The following TMEM178B variants were observed in gnomAD, a reference collection of about 807,000 sequenced individuals.
TMEM178B encodes transmembrane protein 178B.
Under a neutral mutation model 31.0 loss-of-function variants are expected in TMEM178B, and 5 were observed. The ratio of observed to expected loss-of-function variants is 0.16; its 90% confidence interval spans 0.08 to 0.34. The LOEUF (loss-of-function observed/expected upper bound fraction) is 0.34. TMEM178B is among the 10% of genes least tolerant of loss of function. TMEM178B has a pLI of 1.00. For synonymous variants in TMEM178B, 164 were observed against 164.0 expected (o/e 1.00, Z 0.00); for missense variants, 275 against 400.3 (o/e 0.69, Z 2.67).
At chr7:141,245,325 C>G (rs1797711628) in intron 2 of TMEM178B, among the ~76,000 whole-genome samples, 1 of 150,760 alleles carries the variant, frequency 6.6e-6, no homozygotes, top group South Asian at 2.1e-4. Flanking sequence ...GAAAACAGGA[C>G]TGTGGAAAGG....
At chr7:141,131,150 T>A (rs1488554951) in intron 1 of TMEM178B, among the ~76,000 whole-genome samples, 1 of 152,216 alleles carries the variant, frequency 6.6e-6, no homozygotes, top group African/African-American at 2.4e-5. Flanking sequence ...AGAAGGCATT[T>A]GCTGCAAAAC....
At chr7:141,444,235 T>G (rs1199980417) in intron 3 of TMEM178B, among the ~76,000 whole-genome samples, 1 of 152,180 alleles carries the variant, frequency 6.6e-6, no homozygotes, top group African/African-American at 2.4e-5. Context: ...AACTTAGATA[T>G]ATGCTCCATG....
intron 2 of TMEM178B, among the ~76,000 whole-genome samples, chr7:141,333,894 A>G (rs1799338199): frequency 6.6e-6 from 1 of 152,332 alleles, no homozygotes; most frequent in East Asian, 1.9e-4. Flanking sequence ...TCCTATGAGA[A>G]TCTAATGGCG....
intron 2 of TMEM178B, among the ~76,000 whole-genome samples, chr7:141,437,340 A>G (rs1186116494): frequency 1.3e-5 from 2 of 152,210 alleles, no homozygotes. Context: ...GGCACAAAGG[A>G]GGCATAGAAG....
At chr7:141,147,789 A>AGT (rs1198515929) in intron 1 of TMEM178B, among the ~76,000 whole-genome samples, 23 of 152,148 alleles carry the variant, frequency 1.5e-4, no homozygotes, top group African/African-American at 5.6e-4. Flanking sequence ...AGTTTGGGGT[A>AGT]CCCACAGGAC....
intron 2 of TMEM178B, among the ~76,000 whole-genome samples, chr7:141,317,695 A>G (rs1342536811): frequency 6.6e-6 from 1 of 152,204 alleles, no homozygotes; most frequent in Non-Finnish European, 1.5e-5. Context: ...TAGAAACTCC[A>G]GAACCATAAC....
chr7:141,244,874 A>C (rs570702247), intron 2 of TMEM178B, among the ~76,000 whole-genome samples: 2 of 151,502 alleles, frequency 1.3e-5, no homozygotes, highest in Non-Finnish European at 2.9e-5. Flanking sequence ...TTGGTGGCTC[A>C]TGCCTGTAAT....
chr7:141,090,541 G>A (rs1349900412), intron 1 of TMEM178B, among the ~76,000 whole-genome samples: 1 of 152,210 alleles, frequency 6.6e-6, no homozygotes, highest in Non-Finnish European at 1.5e-5. Context: ...AGAACAGACT[G>A]ATGAAGGAAA....
intron 2 of TMEM178B, among the ~76,000 whole-genome samples, chr7:141,342,787 C>A (rs755672363): frequency 7.9e-5 from 12 of 152,250 alleles, no homozygotes; most frequent in Non-Finnish European, 1.6e-4. Flanking sequence ...TGACCTATCT[C>A]ATGTCGAGTC....
At chr7:141,499,558 A>C in the TMEM178B span, among the ~76,000 whole-genome samples, 1 of 151,766 alleles carries the variant, frequency 6.6e-6, no homozygotes, top group Non-Finnish European at 1.5e-5. Flanking sequence ...AGGATTGCTT[A>C]AGCCTGGGAG....
intron 2 of TMEM178B, among the ~76,000 whole-genome samples, chr7:141,315,334 A>AT (rs1215419486): frequency 6.6e-6 from 1 of 152,166 alleles, no homozygotes; most frequent in Non-Finnish European, 1.5e-5. Context: ...TTTTCGGGCC[A>AT]TCATTAAAAA....
downstream of TMEM178B, among the ~76,000 whole-genome samples, chr7:141,483,093 A>G: frequency 6.6e-6 from 1 of 152,202 alleles, no homozygotes; most frequent in Non-Finnish European, 1.5e-5. Context: ...ACAGCAGGTG[A>G]ACAAAGGCAT....
chr7:141,454,851 A>G (rs1307293653), intron 3 of TMEM178B, among the ~76,000 whole-genome samples: 1 of 151,978 alleles, frequency 6.6e-6, no homozygotes, highest in Non-Finnish European at 1.5e-5. Flanking sequence ...TTCTCATTAG[A>G]GTTTGAATTC....
chr7:141,289,725 A>G (rs1001326989), intron 2 of TMEM178B, among the ~76,000 whole-genome samples: 2 of 151,430 alleles, frequency 1.3e-5, no homozygotes, highest in Admixed American at 6.6e-5. Flanking sequence ...AAAAAAAAAA[A>G]AAAAAAGAAA....
chr7:141,270,886 T>G (rs150894123), intron 2 of TMEM178B, among the ~76,000 whole-genome samples: 1 of 152,222 alleles, frequency 6.6e-6, no homozygotes, highest in Non-Finnish European at 1.5e-5. Flanking sequence ...CTTTTGTCTC[T>G]CCTGTGCCTT....
At chr7:141,482,316 A>G (rs1802491986), downstream of TMEM178B, among the ~76,000 whole-genome samples, 1 of 151,946 alleles carries the variant, frequency 6.6e-6, no homozygotes. Flanking sequence ...CTCCCTGAAC[A>G]CCCACCTGGG....
At chr7:141,343,262 G>A (rs1021063855) in intron 2 of TMEM178B, among the ~76,000 whole-genome samples, 6 of 152,192 alleles carry the variant, frequency 3.9e-5, no homozygotes, top group African/African-American at 1.4e-4. Flanking sequence ...ATGTATTTAT[G>A]CTGAAGCAGA....
intron 2 of TMEM178B, among the ~76,000 whole-genome samples, chr7:141,267,782 C>T (rs1330797756): frequency 6.6e-6 from 1 of 152,190 alleles, no homozygotes; most frequent in Non-Finnish European, 1.5e-5. Context: ...CTTTAAATGC[C>T]TGTGAAGGGC....
chr7:141,461,475 T>C lies in TMEM178B; in HGVS notation c.635-9061T>C, dbSNP rs1014547164. On this transcript the variant is annotated intron_variant, in intron 3 of 3. Transcript: ENST00000565468. This position sits in a 1 kb window ranked among gnomAD's most constrained non-coding sequence, Gnocchi z 4.0. ...AACTTGGTCACATAAGGATTAGATA[T>C]TTGGGCAAATGCCTGTGCACACAAT... Among the ~76,000 whole-genome samples the C allele has an allele frequency of 6.6e-6, 1 of 152,234 alleles. No homozygotes were observed. The highest frequency in any genetic ancestry group is 6.5e-5 in the Admixed American group (1 of 15,286).
Sources: allele counts gnomAD v4.1 joint callset (sites outside exome capture counted in the v4.1 genomes callset), GRCh38; gene constraint gnomAD v4.1.1; non-coding constraint Gnocchi (gnomAD v3.1); transcripts MANE v1.5; gene names NCBI Gene and HGNC (gene_info 2026-07-23, HGNC 2026-07-21).